Variants in NFILZ observed in about 807,000 individuals in gnomAD.
NFILZ encodes the protein NFIL3 like protein.
intron 3 of NFILZ, among the ~76,000 whole-genome samples, chr19:8,639,512 GC>G (rs2042909738): frequency 6.6e-6 from 1 of 151,878 alleles, no homozygotes; most frequent in South Asian, 2.1e-4. Context: ...GATCGCTTGA[GC>G]CCAGGAGTTT....
intron 3 of NFILZ, among the ~76,000 whole-genome samples, chr19:8,672,124 A>G (rs1555750322): frequency 1.3e-5 from 2 of 152,212 alleles, no homozygotes; most frequent in Non-Finnish European, 2.9e-5. Context: ...CATTCCAAAA[A>G]GATATTCATG....
At chr19:8,645,425 C>A (rs1555747001) in intron 3 of NFILZ, among the ~76,000 whole-genome samples, 1 of 151,952 alleles carries the variant, frequency 6.6e-6, no homozygotes, top group African/African-American at 2.4e-5. Context: ...CAGGCATGAG[C>A]CACAGTTCCT....
intron 3 of NFILZ, among the ~76,000 whole-genome samples, chr19:8,657,008 G>C (rs1405772632): frequency 1.3e-5 from 2 of 151,612 alleles, no homozygotes; most frequent in African/African-American, 4.9e-5. Flanking sequence ...AGGGGATCCA[G>C]TTGTTGTAAG....
intron 3 of NFILZ, among the ~76,000 whole-genome samples, chr19:8,636,645 C>T (rs970116361): frequency 1.6e-4 from 24 of 151,224 alleles, no homozygotes; most frequent in African/African-American, 3.9e-4. Context: ...TTAGTAGAGA[C>T]GGGGTTTCAC....
At chr19:8,663,787 T>TGTGTGTATGTATG (rs2043048906) in intron 3 of NFILZ, among the ~76,000 whole-genome samples, 1 of 148,740 alleles carries the variant, frequency 6.7e-6, no homozygotes, top group Admixed American at 6.7e-5. Context: ...TGTGTGTTTG[T>TGTGTGTATGTATG]TGTGGGGGGG....
chr19:8,663,772 A>ATGTGTGTGTGTGTGTGTGTGTG (rs1555749471), intron 3 of NFILZ, among the ~76,000 whole-genome samples: 1 of 77,024 alleles, frequency 1.3e-5, no homozygotes, highest in Non-Finnish European at 2.3e-5. Context: ...GTGTGTGTGT[A>ATGTGTGTGTGTGTGTGTGTGTG]TGTATGTGTG....
At chr19:8,669,932 G>C (rs1325357900) in intron 3 of NFILZ, among the ~76,000 whole-genome samples, 1 of 152,214 alleles carries the variant, frequency 6.6e-6, no homozygotes, top group Non-Finnish European at 1.5e-5. Context: ...GGAAATGTCA[G>C]TGTCAATTCC....
chr19:8,667,080 C>A (rs1334800579), intron 3 of NFILZ, among the ~76,000 whole-genome samples: 9 of 152,010 alleles, frequency 5.9e-5, no homozygotes, highest in African/African-American at 2.2e-4. Context: ...CACTGTCCCA[C>A]CCTGCCCTGT....
At position 8,678,518 on chromosome 19, in the gene NFILZ, A is replaced by G. The variant is rs1438631533; in HGVS notation, c.*883A>G. The stretch of plus-strand genomic sequence containing the variant: ...CATTTTCCCATCCACACACCTATCC[A>G]TTCATCCATTCATACATCAATTTAT... On this transcript the variant is annotated 3_prime_UTR_variant, in exon 6 of 6. Transcript: ENST00000691075. Among the ~76,000 whole-genome samples, 1 of 146,198 alleles carries G rather than the reference A, an allele frequency of 6.8e-6. No homozygotes were observed. Among genetic ancestry groups the G allele is most frequent in the African/African-American group, 2.5e-5 (1 of 39,346 alleles).
intron 3 of NFILZ, among the ~76,000 whole-genome samples, chr19:8,659,482 A>G (rs2146158934): frequency 6.6e-6 from 1 of 151,198 alleles, no homozygotes; most frequent in Admixed American, 6.6e-5. Context: ...CCCTGCGGTG[A>G]CTCCGAATGG....
intron 3 of NFILZ, among the ~76,000 whole-genome samples, chr19:8,670,869 T>A (rs1460036216): frequency 6.6e-6 from 1 of 151,762 alleles, no homozygotes; most frequent in East Asian, 1.9e-4. Flanking sequence ...GTGGCAAGCA[T>A]CTGTAATCCC....
chr19:8,663,894 A>G (rs1222998690), intron 3 of NFILZ, among the ~76,000 whole-genome samples: 1 of 151,534 alleles, frequency 6.6e-6, no homozygotes, highest in Non-Finnish European at 1.5e-5. Context: ...TTTTAGTGGG[A>G]GCTGGGGCTT....
rs1600158048 is a variant in NFILZ at position 8,678,054 on chromosome 19, A to ATT, written c.*419_*420insTT. 2.0e-4 allele frequency among the ~76,000 whole-genome samples: 6 copies of ATT among 30,020 alleles called. No individual in the cohort carries two copies. Among genetic ancestry groups the ATT allele is most frequent in the Non-Finnish European group, 3.8e-4 (5 of 13,302 alleles). The allele number at this position is 30,020 out of a possible 152,430, so 19.7% of individuals were successfully genotyped here. On this transcript the variant is annotated 3_prime_UTR_variant, in exon 6 of 6. Transcript: ENST00000691075. ...TATCCATCCATCCATCCATCCATCC[A>ATT]CCCATCTATTCATCCATCCATCAAT... is the stretch of plus-strand genomic sequence containing the variant.
chr19:8,637,171 G>A (rs2042898390), intron 3 of NFILZ, among the ~76,000 whole-genome samples: 1 of 151,994 alleles, frequency 6.6e-6, no homozygotes, highest in Non-Finnish European at 1.5e-5. Flanking sequence ...GGAGTTCGAG[G>A]CTGCAGTGAG....
intron 2 of NFILZ, among the ~76,000 whole-genome samples, chr19:8,633,890 CCTTCCTTCCTTCCTTCCTT>C (rs1568416457): frequency 4.7e-5 from 5 of 105,740 alleles, no homozygotes; most frequent in Non-Finnish European, 1.0e-4. Context: ...TTCCTTCCTT[CCTTCCTTCCTTCCTTCCTT>C]CCTTCCTTCC....
chr19:8,632,238 G>A (rs1268387857), intron 1 of NFILZ, among the ~76,000 whole-genome samples: 14 of 112,842 alleles, frequency 1.2e-4, no homozygotes, highest in Middle Eastern at 4.2e-3. Flanking sequence ...TGACTGCCCC[G>A]CCATACAGTG....
intron 3 of NFILZ, among the ~76,000 whole-genome samples, chr19:8,657,585 C>A (rs567360677): frequency 2.0e-5 from 3 of 152,212 alleles, no homozygotes; most frequent in South Asian, 2.1e-4. Flanking sequence ...GGAGTCTGAT[C>A]GCTGTGTGTG....
chr19:8,665,765 C>T lies in NFILZ; in HGVS notation c.-163-8786C>T, dbSNP rs530985044. Reference sequence around the variant, plus strand: ...GTTTTTAAGAAATCTTTGCCAATTTCGGCAGGAAAAATTGGTATCTCATGT... The same window carrying T: ...GTTTTTAAGAAATCTTTGCCAATTTTGGCAGGAAAAATTGGTATCTCATGT... On this transcript the variant is annotated intron_variant, in intron 3 of 5. Coordinates refer to ENST00000691075, the MANE Select transcript of NFILZ (RefSeq NM_001378600.1). Among the ~76,000 whole-genome samples the T allele has an allele frequency of 1.1e-4, 17 of 152,296 alleles. No individual in the cohort carries two copies. The South Asian group carries it at 1.7e-3, about 15-fold the overall frequency.
Position 8,680,944 on chromosome 19 carries a change from G to A in NFILZ, c.*3309G>A, listed in dbSNP as rs1313088124. ...CATGTGGCTGGAGTGGAGTGAGTAA[G>A]GGGGAGAGAGGGAGGAGGCGAGGGC... On this transcript the variant is annotated 3_prime_UTR_variant, in exon 6 of 6. Coordinates refer to ENST00000691075, the MANE Select transcript of NFILZ (RefSeq NM_001378600.1). 1.3e-5 allele frequency among the ~76,000 whole-genome samples: 2 copies of A among 152,116 alleles called. No individual in the cohort carries two copies. Among genetic ancestry groups the A allele is most frequent in the Admixed American group, 6.5e-5 (1 of 15,280 alleles).
Sources: gnomAD v4.1 joint callset for allele counts (sites outside exome capture counted in the v4.1 genomes callset) on GRCh38, gnomAD v4.1.1 for gene constraint, MANE v1.5 for transcripts, NCBI Gene and HGNC (gene_info 2026-07-23, HGNC 2026-07-21) for gene names.